Variants in XYLT1 observed in about 807,000 individuals in gnomAD.
The protein encoded by XYLT1 is beta-D-xylosyltransferase 1.
In XYLT1, 36 loss-of-function variants were observed where a neutral mutation model predicts 91.3. The observed-to-expected ratio is 0.39, with a 90% CI of 0.30 to 0.52. The LOEUF is 0.52. Ranked by LOEUF, XYLT1 falls within the 20% of genes least tolerant of loss-of-function variation. The pLI is 0.68. For synonymous variants in XYLT1, 588 were observed against 532.0 expected, an observed-to-expected ratio of 1.11 and a Z score of -1.45; for missense variants, 1,242 against 1,284.5, an observed-to-expected ratio of 0.97 and a Z score of 0.51.
intron 5 of XYLT1, among the ~76,000 whole-genome samples, chr16:17,197,525 G>A (rs557390425): frequency 6.6e-6 from 1 of 152,238 alleles, no homozygotes; most frequent in South Asian, 2.1e-4. Context: ...TGTCTGTGAG[G>A]GTGTTGCCAA....
At chr16:17,235,594 C>T (rs1567335254) in intron 3 of XYLT1, among the ~76,000 whole-genome samples, 1 of 152,166 alleles carries the variant, frequency 6.6e-6, no homozygotes, top group African/African-American at 2.4e-5. Context: ...CGCGCTGAGT[C>T]ACGGTAGAAA....
chr16:17,191,352 G>A (rs1399647275), intron 5 of XYLT1, among the ~76,000 whole-genome samples: 1 of 152,246 alleles, frequency 6.6e-6, no homozygotes, highest in Admixed American at 6.5e-5. Flanking sequence ...CGCAGATGCA[G>A]TGACTGTACA....
At chr16:17,306,307 A>T (rs1456809127) in intron 2 of XYLT1, among the ~76,000 whole-genome samples, 1 of 152,034 alleles carries the variant, frequency 6.6e-6, no homozygotes, top group Non-Finnish European at 1.5e-5. Flanking sequence ...AGAGGAGAAA[A>T]ATTCGAGCTA....
intron 1 of XYLT1, among the ~76,000 whole-genome samples, chr16:17,435,136 C>T (rs947315416): frequency 3.3e-5 from 5 of 152,180 alleles, no homozygotes; most frequent in South Asian, 2.1e-4. Flanking sequence ...TCAGGTCCGG[C>T]GTGGCACGCA....
At chr16:17,162,938 T>G (rs2031590027) in intron 5 of XYLT1, among the ~76,000 whole-genome samples, 1 of 152,248 alleles carries the variant, frequency 6.6e-6, no homozygotes, top group Non-Finnish European at 1.5e-5. Context: ...CAATAAGCCT[T>G]AGGTCTTGAG....
At chr16:17,420,224 T>C (rs1250188367) in intron 1 of XYLT1, among the ~76,000 whole-genome samples, 1 of 152,052 alleles carries the variant, frequency 6.6e-6, no homozygotes, top group Admixed American at 6.6e-5. Flanking sequence ...AATGCTAGAG[T>C]TATACACATA....
chr16:17,175,137 C>T (rs1597169704), intron 5 of XYLT1, among the ~76,000 whole-genome samples: 1 of 151,830 alleles, frequency 6.6e-6, no homozygotes, highest in East Asian at 1.9e-4. Flanking sequence ...ACAGTTGAAC[C>T]CCAAAATTTC....
intron 1 of XYLT1, among the ~76,000 whole-genome samples, chr16:17,367,826 T>C (rs1008420475): frequency 2.6e-4 from 40 of 152,154 alleles, no homozygotes; most frequent in African/African-American, 9.4e-4. Flanking sequence ...ATCAAACCCA[T>C]CACTGTTTGG....
At chr16:17,465,522 G>A (rs35261971) in intron 1 of XYLT1, among the ~76,000 whole-genome samples, 28,923 of 139,682 alleles carry the variant, frequency 0.21, 3,428 homozygotes, top group Admixed American at 0.33. Context: ...GTGTAATACC[G>A]TCTTCCTTCC....
At chr16:17,222,329 G>C (rs2032983747) in intron 3 of XYLT1, among the ~76,000 whole-genome samples, 1 of 152,150 alleles carries the variant, frequency 6.6e-6, no homozygotes, top group African/African-American at 2.4e-5. Flanking sequence ...AAGAAAGAAT[G>C]CTACTGGCAC....
chr16:17,445,988 G>A (rs2036586408), intron 1 of XYLT1: 1 of 152,206 alleles, frequency 6.6e-6, no homozygotes, highest in South Asian at 2.1e-4. Flanking sequence ...CCAACTCCCA[G>A]CTGGAAACTC....
At chr16:17,252,990 C>G (rs2033565904) in intron 3 of XYLT1, among the ~76,000 whole-genome samples, 1 of 152,192 alleles carries the variant, frequency 6.6e-6, no homozygotes, top group African/African-American at 2.4e-5. Context: ...CCACCCCTGT[C>G]TCCATCTCCT....
intron 2 of XYLT1, among the ~76,000 whole-genome samples, chr16:17,321,404 C>T (rs1017368218): frequency 2.0e-4 from 22 of 110,398 alleles, no homozygotes; most frequent in African/African-American, 6.6e-4. Context: ...GTCATCCAGG[C>T]TGGAGTGCAG....
At chr16:17,284,999 T>A (rs1299449862) in intron 2 of XYLT1, among the ~76,000 whole-genome samples, 2 of 152,108 alleles carry the variant, frequency 1.3e-5, no homozygotes, top group Non-Finnish European at 2.9e-5. Context: ...CAGGAGAGCA[T>A]GCCAGATCTG....
chr16:17,191,969 CTGAA>C (rs1365658068), intron 5 of XYLT1, among the ~76,000 whole-genome samples: 1 of 152,148 alleles, frequency 6.6e-6, no homozygotes, highest in African/African-American at 2.4e-5. Context: ...ACACCACAGA[CTGAA>C]TGTGAACCCC....
At chr16:17,259,678 T>C (rs1472623035) in intron 2 of XYLT1, among the ~76,000 whole-genome samples, 180 bp from the exon 3 acceptor site, 2 of 152,202 alleles carry the variant, frequency 1.3e-5, no homozygotes, top group Non-Finnish European at 2.9e-5. Flanking sequence ...TTTCCCCATC[T>C]GGAAATAGGA....
At chr16:17,435,470 C>G (rs1230104952) in intron 1 of XYLT1, among the ~76,000 whole-genome samples, 1 of 152,132 alleles carries the variant, frequency 6.6e-6, no homozygotes, top group East Asian at 1.9e-4. Context: ...AAAAAGGCAA[C>G]GGCAGCTGCA....
In XYLT1 at chr16:17,102,939, T is replaced by C. The variant is rs576463642; in HGVS notation, c.*5756A>G. ...AAAACAAATACCCAAACAAATGCTA[T>C]TGACAACATAATATTTAAAAAAAAA... On this transcript the variant is annotated 3_prime_UTR_variant, in exon 12 of 12. Transcript: ENST00000261381. 4.6e-5 allele frequency: 7 copies of C among 152,392 alleles called. No individual in the cohort carries two copies. The East Asian group carries it at 1.4e-3, about 30-fold the overall frequency. 9.4% of individuals were successfully genotyped at this position (152,392 alleles called of 1,614,324 possible).
intron 2 of XYLT1, among the ~76,000 whole-genome samples, chr16:17,262,281 G>A (rs181659951): frequency 6.6e-5 from 10 of 152,296 alleles, no homozygotes; most frequent in African/African-American, 1.4e-4. Context: ...AATTTCCAAC[G>A]TAGGCACTAC....
Sources: allele counts gnomAD v4.1 joint callset (sites outside exome capture counted in the v4.1 genomes callset), GRCh38; gene constraint gnomAD v4.1.1; transcripts MANE v1.5; gene names NCBI Gene and HGNC (gene_info 2026-07-23, HGNC 2026-07-21).